HTR2C: variants seen among roughly 807,000 people sequenced by gnomAD.
HTR2C encodes 5-hydroxytryptamine (serotonin) receptor 2C, G protein-coupled.
A neutral mutation model predicts 21.0 loss-of-function variants in HTR2C; 5 were observed. The observed-to-expected ratio is 0.24, with a 90% CI of 0.12 to 0.50. The LOEUF (loss-of-function observed/expected upper bound fraction) is 0.50, where lower values mean the gene tolerates loss of function less well. Among genes scored for constraint, HTR2C ranks in the 20% least tolerant of loss-of-function variants. The pLI is 0.98. For synonymous variants in HTR2C, 150 were observed against 145.3 expected (o/e 1.03, Z -0.23); for missense variants, 271 against 371.2 (o/e 0.73, Z 2.22).
intron 3 of HTR2C, among the ~76,000 whole-genome samples, chrX:114,728,651 T>C (rs2069505982): frequency 9.0e-6 from 1 of 111,138 alleles, no homozygotes; most frequent in African/African-American, 3.3e-5. Flanking sequence ...ACTCCTTCCT[T>C]CAATAATTCA....
intron 4 of HTR2C, among the ~76,000 whole-genome samples, chrX:114,746,541 G>A (rs185621039): frequency 1.9e-3 from 207 of 111,518 alleles, no homozygotes; most frequent in Non-Finnish European, 3.0e-3. Context: ...AAAGACATTT[G>A]GCAAAAATGA....
intron 2 of HTR2C, among the ~76,000 whole-genome samples, chrX:114,677,886 A>G (rs1931613019): frequency 9.0e-6 from 1 of 111,473 alleles, no homozygotes; most frequent in African/African-American, 3.3e-5. Flanking sequence ...TTTCCCTTCT[A>G]TGGCTTACCA....
chrX:114,703,671 A>G (rs1932643991), intron 2 of HTR2C, among the ~76,000 whole-genome samples: 1 of 111,216 alleles, frequency 9.0e-6, no homozygotes, highest in Admixed American at 9.6e-5. Context: ...AAGAGCAAAC[A>G]CATTCAAAAG....
At chrX:114,874,908 G>A (rs782798883) in intron 5 of HTR2C, among the ~76,000 whole-genome samples, 17 of 111,793 alleles carry the variant, frequency 1.5e-4, no homozygotes, top group African/African-American at 5.5e-4. Flanking sequence ...GAAAAAAAAT[G>A]TGAGTTGTAT....
rs782180249 is a variant in HTR2C, at chrX:114,793,286, T to C, written c.350-54717T>C. ...ACATTAATATATTTATCTCAGCCAG[T>C]CTAGAAGACAGAGTGAGATTTTGCA... is the stretch of plus-strand genomic sequence containing the variant. On this transcript the variant is annotated intron_variant, in intron 4 of 5. Transcript: ENST00000276198. Among the ~76,000 whole-genome samples the C allele has an allele frequency of 3.6e-5, 4 of 111,461 alleles. No homozygotes were observed. In the East Asian group the frequency reaches 8.5e-4, roughly 24 times the overall value.
intron 4 of HTR2C, among the ~76,000 whole-genome samples, chrX:114,819,044 T>G (rs1053159535): frequency 4.5e-5 from 5 of 111,996 alleles, no homozygotes; most frequent in African/African-American, 1.6e-4. Context: ...CTCCTCACTA[T>G]ATTATAAAAC....
At position 114,907,315 on chromosome X, in the gene HTR2C, A is replaced by C. The variant is rs1358355552; in HGVS notation, c.1277A>C (p.Lys426Thr). 8.3e-7 allele frequency: 1 copy of C among 1,211,243 alleles called. No homozygotes were observed. Among genetic ancestry groups the C allele is most frequent in the Admixed American group, 2.2e-5 (1 of 46,021 alleles). Residue 426 changes from lysine (K) to threonine (T), a missense_variant, in exon 6 of 6, where the codon AAA (lysine) becomes ACA (threonine). By Grantham distance (78) the Lys-to-Thr change is moderately conservative. Around this residue, in one of 5 missense-constraint regions of HTR2C, gnomAD observed 192 missense variants for 247.2 expected, o/e 0.78. Transcript: ENST00000276198. Reference sequence around the variant, plus strand: ...CATACCAATGAACCGGTGATCGAGAAAGCCAGTGACAATGAGCCCGGTATA... The same window carrying C: ...CATACCAATGAACCGGTGATCGAGACAGCCAGTGACAATGAGCCCGGTATA... ...YRHTNEPVIE[K>T]ASDNEPGIEM...
rs1790336341 is a variant in HTR2C at position 114,908,576 on chromosome X, C to G, written c.*1161C>G. 8.9e-6 allele frequency: 1 copy of G among 112,061 alleles called. No homozygotes were observed. The highest frequency in any genetic ancestry group is 9.5e-5 in the Admixed American group (1 of 10,483). 9.2% of individuals were successfully genotyped at this position (112,061 alleles called of 1,213,427 possible). A position where few individuals can be genotyped will look rare whatever the true frequency, so the allele number is the denominator to read the frequency against. ...ACGGAGTTTCCATTTGGATTTTAAA[C>G]AAAATTTATGTCATTTTCAGATCCT... On this transcript the variant is annotated 3_prime_UTR_variant, in exon 6 of 6. Coordinates refer to ENST00000276198, the MANE Select transcript of HTR2C (RefSeq NM_000868.4).
chrX:114,798,953 G>GCA (rs2070321050), intron 4 of HTR2C, among the ~76,000 whole-genome samples: 1 of 109,292 alleles, frequency 9.1e-6, no homozygotes, highest in Non-Finnish European at 1.9e-5. Flanking sequence ...AGCCCAGAGC[G>GCA]CACACACACA....
chrX:114,589,877 G>T, intron 1 of HTR2C: 1 of 326,342 alleles, frequency 3.1e-6, no homozygotes, highest in Non-Finnish European at 5.7e-6. Flanking sequence ...ATTAAAAGAT[G>T]CAAGCATTTT....
chrX:114,704,660 C>A (rs1166713525), intron 2 of HTR2C, among the ~76,000 whole-genome samples: 1 of 111,416 alleles, frequency 9.0e-6, no homozygotes, highest in Non-Finnish European at 1.9e-5. Flanking sequence ...GACAGGGATG[C>A]CCTCTCTCTC....
chrX:114,640,055 TATA>T (rs1556406112), intron 2 of HTR2C, among the ~76,000 whole-genome samples: 2 of 111,656 alleles, frequency 1.8e-5, no homozygotes. Flanking sequence ...ACAAAGTAAA[TATA>T]ATCATCATTG....
At chrX:114,724,865 G>A (rs782109829) in intron 2 of HTR2C, among the ~76,000 whole-genome samples, 1 of 102,207 alleles carries the variant, frequency 9.8e-6, no homozygotes, top group Non-Finnish European at 2.0e-5. Flanking sequence ...CTGGCTTGTG[G>A]AGTTTCTGCC....
chrX:114,805,542 G>GAT (rs1407153668), intron 4 of HTR2C, among the ~76,000 whole-genome samples: 1 of 27,599 alleles, frequency 3.6e-5, no homozygotes, highest in Non-Finnish European at 8.8e-5. Flanking sequence ...TATGGTATAT[G>GAT]GTGTATATAT....
At chrX:114,607,798 C>A (rs1556397510) in intron 1 of HTR2C, among the ~76,000 whole-genome samples, 1 of 110,953 alleles carries the variant, frequency 9.0e-6, no homozygotes, top group African/African-American at 3.3e-5. Flanking sequence ...TCAAGACCAG[C>A]CTGGCCAACT....
At chrX:114,653,588 T>G (rs1441559432) in intron 2 of HTR2C, among the ~76,000 whole-genome samples, 2 of 110,776 alleles carry the variant, frequency 1.8e-5, no homozygotes, top group African/African-American at 6.5e-5. Context: ...TTACTGACTT[T>G]GCCATTTATC....
Position 114,857,993 on chromosome X carries a change from A to G in HTR2C, c.550+9790A>G, listed in dbSNP as rs935571019. On this transcript the variant is annotated intron_variant, in intron 5 of 5. Transcript: ENST00000276198. ...TTGCCTACCGAATTACAATGGCGTC[A>G]TTCTCATAAGTCAGGTTACCTTATA... 4.5e-5 allele frequency among the ~76,000 whole-genome samples: 5 copies of G among 111,290 alleles called. 1 individual carries two copies. The South Asian group carries it at 1.9e-3, about 41-fold the overall frequency.
intron 4 of HTR2C, chrX:114,763,110 T>A (rs1272676832): frequency 8.0e-6 from 1 of 125,038 alleles, no homozygotes; most frequent in Admixed American, 9.5e-5. Context: ...TGGGCATCCA[T>A]CATCTCCCAT....
At chrX:114,681,005 A>G (rs1169716407) in intron 2 of HTR2C, among the ~76,000 whole-genome samples, 1 of 111,693 alleles carries the variant, frequency 9.0e-6, no homozygotes, top group Non-Finnish European at 1.9e-5. Context: ...TGGTGCACAT[A>G]TTAGACATTT....
Sources: allele counts gnomAD v4.1 joint callset (sites outside exome capture counted in the v4.1 genomes callset), GRCh38; gene constraint gnomAD v4.1.1; regional missense constraint gnomAD v4.1.1; transcripts MANE v1.5; gene names NCBI Gene and HGNC (gene_info 2026-07-23, HGNC 2026-07-21).